Variants in PLIN1 observed in about 807,000 individuals in gnomAD.
PLIN1 encodes the protein perilipin 1, also known as perilipin-1.
PLIN1 carries 37 observed loss-of-function variants against 45.8 expected under a neutral mutation model. That is an observed-to-expected ratio of 0.81 (90% CI 0.62 to 1.06). The LOEUF is 1.06. Ranked by LOEUF, PLIN1 falls within the 50% of genes least tolerant of loss-of-function variation. The pLI is 0.00. For missense variants in PLIN1, 776 were observed against 716.5 expected, an observed-to-expected ratio of 1.08 and a Z score of -0.95; for synonymous variants, 340 against 309.2, an observed-to-expected ratio of 1.10 and a Z score of -1.05.
At chr15:89,673,089 G>A (rs1964462318) in intron 3 of PLIN1, 121 bp downstream of exon 3, 5 of 747,438 alleles carry the variant, frequency 6.7e-6, no homozygotes, top group Non-Finnish European at 1.2e-5. Context: ...AATGGGATGT[G>A]GGCAGTTAAG....
intron 2 of PLIN1, among the ~76,000 whole-genome samples, chr15:89,676,130 G>A (rs376400197): frequency 1.6e-4 from 25 of 152,162 alleles, no homozygotes; most frequent in African/African-American, 5.3e-4. Flanking sequence ...GGTTTTGCTC[G>A]CAAAGTGAAG....
intron 6 of PLIN1, among the ~76,000 whole-genome samples, chr15:89,668,266 T>C (rs904519771): frequency 6.6e-6 from 1 of 152,256 alleles, no homozygotes; most frequent in African/African-American, 2.4e-5. Context: ...GTTCCTTCTT[T>C]TTCATTTCTG....
At position 89,665,535 on chromosome 15, in the gene PLIN1, T is replaced by C. The variant is rs748435268; in HGVS notation, c.*48A>G. ...CCTGGGCAGTGCGGGTTCTGTTTAT[T>C]TGTTAGAGAAACCCGCCGGCCCGGG... On this transcript the variant is annotated 3_prime_UTR_variant, in exon 9 of 9. Transcript: ENST00000300055. 7.9e-6 allele frequency: 12 copies of C among 1,515,098 alleles called. No homozygotes were observed. The South Asian group carries it at 1.3e-4, about 17-fold the overall frequency. 93.9% of individuals were successfully genotyped at this position (1,515,098 alleles called of 1,614,324 possible). A position where few individuals can be genotyped will look rare whatever the true frequency, so the allele number is the denominator to read the frequency against.
intron 6 of PLIN1, 65 bp downstream of exon 6, chr15:89,669,426 GGGGATGGGA>G: frequency 8.3e-7 from 1 of 1,204,756 alleles, no homozygotes; most frequent in South Asian, 1.2e-5. Flanking sequence ...GTGATGGGTG[GGGGATGGGA>G]GGGACTAGGA....
intron 3 of PLIN1, among the ~76,000 whole-genome samples, chr15:89,672,196 G>A (rs1964450980): frequency 6.6e-6 from 1 of 152,218 alleles, no homozygotes; most frequent in African/African-American, 2.4e-5. Flanking sequence ...GAGGGTCACA[G>A]GGAAGGGAAA....
rs762500500 is a variant in PLIN1 at position 89,670,244 on chromosome 15, T to C, written c.334A>G (p.Ile112Val). 1 of 1,610,012 alleles carries C rather than the reference T, an allele frequency of 6.2e-7. No homozygotes were observed. Among genetic ancestry groups the C allele is most frequent in the Non-Finnish European group, 8.5e-7 (1 of 1,177,098 alleles). The change falls in exon 5 of 9, where the codon ATT becomes GTT. Residue 112 changes from isoleucine (I) to valine (V), a missense_variant and splice_region_variant. Physicochemically the swap from Ile to Val is conservative, Grantham distance 29. Transcript: ENST00000300055. Reference protein sequence around the residue: ...IPALQYPPEKIASELKDTIST... With the variant: ...IPALQYPPEKVASELKDTIST... ...ATGGTGTCCTTCAGCTCAGAAGCAA[T>C]CTGGGGGAAGTTGGTGGGGGTGTTA...
rs1284690331 is a variant in PLIN1 at position 89,665,719 on chromosome 15, G to T, written c.1433C>A (p.Ala478Glu). 1 of 1,459,432 alleles carries T rather than the reference G, an allele frequency of 6.9e-7. No homozygotes were observed. Among genetic ancestry groups the T allele is most frequent in the Non-Finnish European group, 9.0e-7 (1 of 1,108,028 alleles). 90.4% of individuals were successfully genotyped at this position (1,459,432 alleles called of 1,614,324 possible). ...GGCCGGGAAGCCCGGGCGCGGCGCT[G>T]CGGGCGTGGCGACTTCGTCCTCCAG... is the stretch of plus-strand genomic sequence containing the variant. ...PGLEDEVATPAAPRPGFPAVP... is the reference protein window; with the variant it reads ...PGLEDEVATPEAPRPGFPAVP... Residue 478 changes from alanine to glutamate, a missense_variant, in exon 9 of 9, where the codon GCA becomes GAA. Ala to Glu is a moderately radical substitution (Grantham distance 107, BLOSUM62 -1). Coordinates refer to ENST00000300055, the MANE Select transcript of PLIN1 (RefSeq NM_002666.5).
intron 2 of PLIN1, among the ~76,000 whole-genome samples, chr15:89,674,661 GC>G (rs1171082488): frequency 6.6e-6 from 1 of 152,088 alleles, no homozygotes; most frequent in Admixed American, 6.6e-5. Flanking sequence ...TCCACACTCT[GC>G]CCTCTGGAAC....
chr15:89,673,552 C>G (rs1470835931), intron 2 of PLIN1, 138 bp from the exon 3 acceptor site: 2 of 702,224 alleles, frequency 2.8e-6, no homozygotes, highest in Non-Finnish European at 5.1e-6. Flanking sequence ...CCAAAGAGGT[C>G]TCTAGATGCC....
At position 89,664,644 on chromosome 15, in the gene PLIN1, C is replaced by T. The variant is rs189266550; in HGVS notation, c.*939G>A. 1 of 339,682 alleles carries T rather than the reference C, an allele frequency of 2.9e-6. No homozygotes were observed. The highest frequency in any genetic ancestry group is 2.3e-5 in the South Asian group (1 of 44,390). The allele number at this position is 339,682 out of a possible 1,614,324, so 21.0% of individuals were successfully genotyped here. On this transcript the variant is annotated 3_prime_UTR_variant, in exon 9 of 9. Transcript: ENST00000300055. Reference sequence around the variant, plus strand: ...CGGGGAGTGCATACACACGTGCCTGCAGGTGCATAGCCCTGCATACACAAG... The same window carrying T: ...CGGGGAGTGCATACACACGTGCCTGTAGGTGCATAGCCCTGCATACACAAG...
chr15:89,666,904 G>T, intron 8 of PLIN1, 32 bp downstream of exon 8: 1 of 1,612,700 alleles, frequency 6.2e-7, no homozygotes, highest in South Asian at 1.1e-5. Context: ...GCCCCCTTGG[G>T]ACACTAACAG....
intron 2 of PLIN1, among the ~76,000 whole-genome samples, chr15:89,676,471 T>A (rs1441138443): frequency 6.6e-6 from 1 of 152,148 alleles, no homozygotes; most frequent in South Asian, 2.1e-4. Context: ...ATGGTCTTGA[T>A]CTCCTGACCT....
rs1468312745 is a variant in PLIN1 at position 89,665,660 on chromosome 15, C to G, written c.1492G>C (p.Asp498His). 2.0e-6 allele frequency: 3 copies of G among 1,496,524 alleles called. No individual in the cohort carries two copies. The highest frequency in any genetic ancestry group is 8.9e-7 in the Non-Finnish European group (1 of 1,126,252). 92.7% of individuals were successfully genotyped at this position (1,496,524 alleles called of 1,614,324 possible). A position where few individuals can be genotyped will look rare whatever the true frequency, so the allele number is the denominator to read the frequency against. The part of the protein sequence containing the change: ...PREKPKRRVS[D>H]SFFRPSVMEP... ...ATGACGCTGGGCCGGAAGAAGCTGT[C>G]GCTGACCCTGCGCTTTGGCTTCTCG... The change falls in exon 9 of 9, where the codon GAC becomes CAC. Residue 498 changes from aspartate (D) to histidine (H), a missense_variant. Coordinates refer to ENST00000300055, the MANE Select transcript of PLIN1 (RefSeq NM_002666.5).
rs549780623 is a variant in PLIN1 at position 89,672,249 on chromosome 15, G to C, written c.251-685C>G. ...GTGGGCATGCATCAGAGATGCACCT[G>C]CTTCAAGGGGATCCCGCCTGGATTG... is the stretch of plus-strand genomic sequence containing the variant. On this transcript the variant is annotated intron_variant, in intron 3 of 8. Transcript: ENST00000300055. Among the ~76,000 whole-genome samples, 3 of 152,386 alleles carry C rather than the reference G, an allele frequency of 2.0e-5. No homozygotes were observed. In the East Asian group the frequency reaches 5.8e-4, roughly 29 times the overall value.
At chr15:89,673,119 T>C (rs1316990455) in intron 3 of PLIN1, 91 bp downstream of exon 3, 1 of 973,026 alleles carries the variant, frequency 1.0e-6, no homozygotes, top group Non-Finnish European at 1.6e-6. Context: ...AAGCAAGTTA[T>C]CAGACAGTCA....
chr15:89,667,829 G>T, intron 6 of PLIN1, 36 bp from the exon 7 acceptor site: 1 of 1,542,534 alleles, frequency 6.5e-7, no homozygotes. Flanking sequence ...TGGCTCAACT[G>T]CCCCTGCTGA....
At chr15:89,666,890 C>T in intron 8 of PLIN1, 46 bp downstream of exon 8, 4 of 1,610,392 alleles carry the variant, frequency 2.5e-6, no homozygotes, top group Non-Finnish European at 3.4e-6. Flanking sequence ...TCTGCCATGT[C>T]CAGGCCCCCT....
intron 6 of PLIN1, 39 bp from the exon 7 acceptor site, chr15:89,667,832 C>G: frequency 6.5e-7 from 1 of 1,542,132 alleles, no homozygotes; most frequent in Non-Finnish European, 8.7e-7. Flanking sequence ...CTCAACTGCC[C>G]CTGCTGAAGG....
At chr15:89,666,876 T>G in intron 8 of PLIN1, 60 bp downstream of exon 8, 1 of 1,602,510 alleles carries the variant, frequency 6.2e-7, no homozygotes, top group Non-Finnish European at 8.5e-7. Context: ...TCAAATCTAC[T>G]TTATCTGCCA....
Sources: gnomAD v4.1 joint callset for allele counts (sites outside exome capture counted in the v4.1 genomes callset) on GRCh38, gnomAD v4.1.1 for gene constraint, MANE v1.5 for transcripts, NCBI Gene and HGNC (gene_info 2026-07-23, HGNC 2026-07-21) for gene names.